GSE1: variants seen among roughly 807,000 people sequenced by gnomAD.
GSE1 encodes Gse1 coiled-coil protein.
A neutral mutation model predicts 112.6 loss-of-function variants in GSE1; 32 were observed. The ratio of observed to expected loss-of-function variants is 0.28; its 90% CI spans 0.21 to 0.38. GSE1 has a LOEUF of 0.38. Among genes scored for constraint, GSE1 ranks in the 10% least tolerant of loss-of-function variants. The pLI is 1.00. For missense variants in GSE1, 2,348 were observed against 1,699.2 expected (o/e 1.38, Z -6.71); for synonymous variants, 1,115 against 735.6 (o/e 1.52, Z -8.35).
At chr16:85,544,161 G>A (rs573424189) in intron 2 of GSE1, among the ~76,000 whole-genome samples, 1 of 152,252 alleles carries the variant, frequency 6.6e-6, no homozygotes, top group East Asian at 1.9e-4. Flanking sequence ...TGTCATGACT[G>A]TGCCGTTCTA....
At chr16:85,493,427 CA>C (rs1192047138) in intron 2 of GSE1, among the ~76,000 whole-genome samples, 1 of 151,982 alleles carries the variant, frequency 6.6e-6, no homozygotes, top group African/African-American at 2.4e-5. Flanking sequence ...GCATGGCCAA[CA>C]GAGGCAAACC....
rs781202749 is a variant in GSE1, at chr16:85,648,742, G to C, written c.417G>C (p.Glu139Asp). Residue 139 changes from glutamate (E) to aspartate (D), a missense_variant, in exon 3 of 16, where the codon GAG becomes GAC. Glu to Asp is a conservative substitution (Grantham distance 45). Coordinates refer to ENST00000253458, the MANE Select transcript of GSE1 (RefSeq NM_014615.5). ...CCGTGAATGGTGTCTGGAGGAGTGA[G>C]AGCCGGCAGGTGAGTGGGGCGGGGC... The part of the protein sequence containing the change: ...TKTVNGVWRS[E>D]SRQDAGSRSS... 2 of 1,584,342 alleles carry C rather than the reference G, an allele frequency of 1.3e-6. No homozygotes were observed. The highest frequency in any genetic ancestry group is 1.1e-5 in the South Asian group (1 of 88,038).
intron 1 of GSE1, among the ~76,000 whole-genome samples, chr16:85,266,951 G>T (rs1420525095): frequency 6.6e-6 from 1 of 152,196 alleles, no homozygotes; most frequent in Non-Finnish European, 1.5e-5. Context: ...CTCAGCGCGG[G>T]GACAGGAGGG....
intron 2 of GSE1, among the ~76,000 whole-genome samples, chr16:85,395,147 G>A (rs2047937368): frequency 6.6e-6 from 1 of 152,100 alleles, no homozygotes; most frequent in South Asian, 2.1e-4. Flanking sequence ...GATGGTCTGG[G>A]GCAAGCTGGG....
Position 85,672,865 on chromosome 16 carries a change from T to G in GSE1, c.*326T>G. 5.4e-6 allele frequency: 1 copy of G among 184,890 alleles called. No individual in the cohort carries two copies. The highest frequency in any genetic ancestry group is 1.1e-5 in the Non-Finnish European group (1 of 87,680). 11.5% of individuals were successfully genotyped at this position (184,890 alleles called of 1,614,324 possible). A position where few individuals can be genotyped will look rare whatever the true frequency, so the allele number is the denominator to read the frequency against. The stretch of plus-strand genomic sequence containing the variant: ...ATTAGCAACACTAAAACTTGATCAT[T>G]AACAGCCCCCTGTGCATATGAGTGG... On this transcript the variant is annotated 3_prime_UTR_variant, in exon 16 of 16. Coordinates refer to ENST00000253458, the MANE Select transcript of GSE1 (RefSeq NM_014615.5).
rs1056135022 is a variant in GSE1, at chr16:85,655,616, G to A, written c.798-110G>A. On this transcript the variant is annotated intron_variant, in intron 5 of 15. Transcript: ENST00000253458. ...TCTTCATCCCCAGCCATTTTGTCAC[G>A]TTCCCCACGCTCAGGCAGGTGTGTG... is the stretch of plus-strand genomic sequence containing the variant. The A allele has an allele frequency of 1.3e-4, 90 of 669,778 alleles. No individual in the cohort carries two copies. In the Admixed American group the frequency reaches 2.1e-3, roughly 15 times the overall value. The allele number at this position is 669,778 out of a possible 1,614,324, so 41.5% of individuals were successfully genotyped here. A position where few individuals can be genotyped will look rare whatever the true frequency, so the allele number is the denominator to read the frequency against.
chr16:85,643,343 TG>T (rs898166176), intron 2 of GSE1, among the ~76,000 whole-genome samples: 6 of 152,186 alleles, frequency 3.9e-5, no homozygotes, highest in Admixed American at 6.5e-5. Context: ...GCCTCGCTAA[TG>T]GGCCTGGCGT....
chr16:85,303,496 C>T (rs2151465397), intron 1 of GSE1, among the ~76,000 whole-genome samples: 1 of 152,378 alleles, frequency 6.6e-6, no homozygotes, highest in East Asian at 1.9e-4. Flanking sequence ...CCGCCGCTTG[C>T]TGAGCGCTTG....
At chr16:85,253,508 G>T (rs1159812000) in intron 1 of GSE1, among the ~76,000 whole-genome samples, 1 of 152,152 alleles carries the variant, frequency 6.6e-6, no homozygotes, top group Non-Finnish European at 1.5e-5. Context: ...CCTCTTTCTG[G>T]AGTCCCTCCT....
chr16:85,500,996 C>CTGTTT (rs1567540329), intron 2 of GSE1, among the ~76,000 whole-genome samples: 18 of 90,334 alleles, frequency 2.0e-4, no homozygotes, highest in African/African-American at 7.4e-4. Flanking sequence ...ATGGCCTGTT[C>CTGTTT]TGTTTTTTTT....
At chr16:85,462,550 G>A (rs2049996685) in intron 2 of GSE1, among the ~76,000 whole-genome samples, 1 of 151,952 alleles carries the variant, frequency 6.6e-6, no homozygotes, top group African/African-American at 2.4e-5. Flanking sequence ...CTTGATGCTC[G>A]GCACTTGAAC....
intron 2 of GSE1, among the ~76,000 whole-genome samples, chr16:85,404,213 TCACC>T (rs2048197067): frequency 1.1e-5 from 1 of 89,014 alleles, no homozygotes; most frequent in African/African-American, 5.1e-5. Context: ...TGGATAATCC[TCACC>T]GTTACACTCA....
chr16:85,393,357 C>T (rs2047889746), intron 2 of GSE1, among the ~76,000 whole-genome samples: 1 of 152,206 alleles, frequency 6.6e-6, no homozygotes, highest in African/African-American at 2.4e-5. Context: ...GGCCAGGGGC[C>T]ACACCCTCTC....
chr16:85,514,505 C>T (rs970812110), intron 2 of GSE1, among the ~76,000 whole-genome samples: 4 of 146,962 alleles, frequency 2.7e-5, no homozygotes, highest in East Asian at 4.3e-4. Flanking sequence ...CTGGAGGTGG[C>T]GGGCTTGGCT....
At chr16:85,463,093 T>C (rs1384593041) in intron 2 of GSE1, 1 of 985,088 alleles carries the variant, frequency 1.0e-6, no homozygotes, top group Non-Finnish European at 1.2e-6. Flanking sequence ...ATGCTGGGCA[T>C]GAAGACCTGG....
chr16:85,511,336 G>A (rs756759579), intron 2 of GSE1, among the ~76,000 whole-genome samples: 13 of 152,186 alleles, frequency 8.5e-5, no homozygotes, highest in Non-Finnish European at 1.5e-4. Flanking sequence ...AGACCAGCCC[G>A]ACCAACATGG....
At chr16:85,636,688 C>CGG (rs35534845) in intron 2 of GSE1, among the ~76,000 whole-genome samples, 3 of 151,636 alleles carry the variant, frequency 2.0e-5, no homozygotes, top group African/African-American at 7.3e-5. Flanking sequence ...TGGGCCTTCC[C>CGG]GGGGGGGGGC....
intron 1 of GSE1, among the ~76,000 whole-genome samples, chr16:85,191,616 A>G (rs1032685697): frequency 1.3e-5 from 2 of 151,836 alleles, no homozygotes; most frequent in Admixed American, 6.6e-5. Flanking sequence ...TTGAGATGGA[A>G]CTCTACGTGC....
At chr16:85,537,941 C>T (rs1223257861) in intron 2 of GSE1, among the ~76,000 whole-genome samples, 2 of 152,096 alleles carry the variant, frequency 1.3e-5, no homozygotes, top group African/African-American at 2.4e-5. Flanking sequence ...GGGAGGCGAG[C>T]GTGGCTGGAG....
Sources: allele counts gnomAD v4.1 joint callset (sites outside exome capture counted in the v4.1 genomes callset), GRCh38; gene constraint gnomAD v4.1.1; transcripts MANE v1.5; gene names NCBI Gene and HGNC (gene_info 2026-07-23, HGNC 2026-07-21).